The following SORCS1 variants were observed in gnomAD, a reference collection of about 807,000 sequenced individuals.
The protein encoded by SORCS1 is VPS10 domain-containing receptor SorCS1.
In SORCS1, 60 loss-of-function variants were observed where a neutral mutation model predicts 146.1. The ratio of observed to expected loss-of-function variants is 0.41; its 90% CI spans 0.33 to 0.51. SORCS1 has a LOEUF of 0.51. Among genes scored for constraint, SORCS1 ranks in the 20% least tolerant of loss-of-function variants. The pLI is 0.21. For synonymous variants in SORCS1, 637 were observed against 584.0 expected, an observed-to-expected ratio of 1.09 and a Z score of -1.31; for missense variants, 1,352 against 1,487.6, an observed-to-expected ratio of 0.91 and a Z score of 1.50.
chr10:106,664,359 T>C (rs1033474647), intron 17 of SORCS1, among the ~76,000 whole-genome samples: 82 of 152,084 alleles, frequency 5.4e-4, no homozygotes, highest in African/African-American at 2.0e-3. Flanking sequence ...AGATCTCAGA[T>C]GGGCCAGGCG....
chr10:107,062,707 T>C (rs545451310), intron 1 of SORCS1, among the ~76,000 whole-genome samples: 1 of 152,258 alleles, frequency 6.6e-6, no homozygotes, highest in South Asian at 2.1e-4. Context: ...GCAAAGCACC[T>C]GGGTTTATGA....
intron 3 of SORCS1, among the ~76,000 whole-genome samples, chr10:106,818,386 A>G (rs1229913365): frequency 4.1e-5 from 5 of 121,076 alleles, no homozygotes. Context: ...TTTTTTTTTT[A>G]GATGGATTCT....
intron 1 of SORCS1, among the ~76,000 whole-genome samples, chr10:107,067,292 T>C (rs928521265): frequency 1.7e-5 from 2 of 120,070 alleles, no homozygotes; most frequent in Non-Finnish European, 3.4e-5. Context: ...TTAGTTCAAC[T>C]TAACTTTTTT....
intron 2 of SORCS1, among the ~76,000 whole-genome samples, chr10:106,913,651 C>A (rs1422048000): frequency 6.6e-6 from 1 of 152,078 alleles, no homozygotes; most frequent in Non-Finnish European, 1.5e-5. Context: ...TGCTTCAACT[C>A]CTGCTGAGCT....
intron 2 of SORCS1, among the ~76,000 whole-genome samples, chr10:106,885,279 GA>G (rs1301277759): frequency 7.5e-6 from 1 of 132,778 alleles, no homozygotes; most frequent in East Asian, 2.6e-4. Context: ...TTTTTAAGGA[GA>G]AAATTGGGGG....
intron 1 of SORCS1, among the ~76,000 whole-genome samples, chr10:107,152,010 T>A (rs1968840298): frequency 6.6e-6 from 1 of 152,170 alleles, no homozygotes; most frequent in Non-Finnish European, 1.5e-5. Flanking sequence ...AATGCTTTAG[T>A]GGACCAGGCC....
intron 1 of SORCS1, among the ~76,000 whole-genome samples, chr10:106,961,836 A>G (rs763342272): frequency 3.9e-5 from 6 of 152,238 alleles, no homozygotes; most frequent in Non-Finnish European, 5.9e-5. Flanking sequence ...TATTGCTAGC[A>G]AACAGCCCAT....
chr10:106,576,225 T>C lies in SORCS1; in HGVS notation c.*1195A>G, dbSNP rs1268882596. 6.6e-6 allele frequency: 1 copy of C among 152,548 alleles called. No individual in the cohort carries two copies. The highest frequency in any genetic ancestry group is 1.5e-5 in the Non-Finnish European group (1 of 68,232). The allele number at this position is 152,548 out of a possible 1,614,324, so 9.4% of individuals were successfully genotyped here. ...CAGCAAGGTCCATGGGCACAGAAGC[T>C]GGCATGCTTGGGAATGTACAAAACT... On this transcript the variant is annotated 3_prime_UTR_variant, in exon 26 of 26. Coordinates refer to ENST00000263054, the MANE Select transcript of SORCS1 (RefSeq NM_052918.5).
intron 1 of SORCS1, among the ~76,000 whole-genome samples, chr10:107,123,261 C>T (rs1258032434): frequency 6.6e-6 from 1 of 152,122 alleles, no homozygotes; most frequent in East Asian, 1.9e-4. Flanking sequence ...GTTTTGCCCA[C>T]ATCTGATGTT....
chr10:107,022,407 G>C (rs1351901931), intron 1 of SORCS1, among the ~76,000 whole-genome samples: 5 of 152,126 alleles, frequency 3.3e-5, no homozygotes, highest in Admixed American at 1.3e-4. Context: ...TTATTTAGCA[G>C]AATTTCCGAA....
At chr10:106,904,771 T>C (rs1342240867) in intron 2 of SORCS1, among the ~76,000 whole-genome samples, 3 of 152,210 alleles carry the variant, frequency 2.0e-5, no homozygotes, top group Non-Finnish European at 1.5e-5. Context: ...TATTGAGATA[T>C]TCCATCTAGA....
intron 8 of SORCS1, among the ~76,000 whole-genome samples, chr10:106,705,564 G>T (rs970555873): frequency 2.6e-5 from 4 of 152,200 alleles, no homozygotes; most frequent in African/African-American, 9.7e-5. Context: ...TATGTTCTTT[G>T]TGCAACCCAA....
At chr10:106,677,605 G>T (rs1360563815) in intron 12 of SORCS1, among the ~76,000 whole-genome samples, 8 of 152,162 alleles carry the variant, frequency 5.3e-5, no homozygotes, top group Admixed American at 2.0e-4. Context: ...ATAATTTTAG[G>T]TGTGTATAAA....
intron 1 of SORCS1, among the ~76,000 whole-genome samples, chr10:107,149,912 C>T (rs1227703697): frequency 6.6e-6 from 1 of 152,188 alleles, no homozygotes; most frequent in African/African-American, 2.4e-5. Context: ...ACCTTTTCTC[C>T]TACCCCGCCC....
chr10:107,007,034 C>G (rs1199689190), intron 1 of SORCS1, among the ~76,000 whole-genome samples: 1 of 152,184 alleles, frequency 6.6e-6, no homozygotes, highest in Non-Finnish European at 1.5e-5. Flanking sequence ...CCCGACTAGA[C>G]CTACGCTTAG....
intron 2 of SORCS1, among the ~76,000 whole-genome samples, chr10:106,924,872 G>C (rs1317841509): frequency 6.6e-6 from 1 of 151,064 alleles, no homozygotes; most frequent in South Asian, 2.1e-4. Context: ...ACTTTCATAA[G>C]TATCTCAGGT....
At chr10:106,935,393 C>G (rs1333504660) in intron 2 of SORCS1, among the ~76,000 whole-genome samples, 1 of 152,128 alleles carries the variant, frequency 6.6e-6, no homozygotes, top group East Asian at 1.9e-4. Flanking sequence ...TTTAAGTCCT[C>G]TAATTTAGTA....
Position 106,942,471 on chromosome 10 carries a change from G to A in SORCS1, c.626+14042C>T, listed in dbSNP as rs993474172. On this transcript the variant is annotated intron_variant, in intron 2 of 25. Coordinates refer to ENST00000263054, the MANE Select transcript of SORCS1 (RefSeq NM_052918.5). ...CACAGTCATGCTGACCCCAGGGTGT[G>A]GCTTCATCTGGATCTCAGCATTATT... Among the ~76,000 whole-genome samples, 4 of 152,272 alleles carry A rather than the reference G, an allele frequency of 2.6e-5. No homozygotes were observed. In the East Asian group the frequency reaches 7.7e-4, roughly 29 times the overall value.
At chr10:106,839,557 G>C (rs1160496938) in intron 2 of SORCS1, among the ~76,000 whole-genome samples, 1 of 152,228 alleles carries the variant, frequency 6.6e-6, no homozygotes, top group African/African-American at 2.4e-5. Context: ...TGCTGATACA[G>C]ACACTGCATC....
Sources: gnomAD v4.1 joint callset for allele counts (sites outside exome capture counted in the v4.1 genomes callset) on GRCh38, gnomAD v4.1.1 for gene constraint, MANE v1.5 for transcripts, NCBI Gene and HGNC (gene_info 2026-07-23, HGNC 2026-07-21) for gene names.